CYP3A5: variants seen among roughly 807,000 people sequenced by gnomAD.
CYP3A5 encodes cytochrome P450 3A5.
Under a neutral mutation model 55.9 loss-of-function variants are expected in CYP3A5, and 51 were observed. That is an observed-to-expected ratio of 0.91 (90% CI 0.73 to 1.15). The LOEUF (loss-of-function observed/expected upper bound fraction) is 1.15. Among genes scored for constraint, CYP3A5 ranks in the 50% most tolerant of loss-of-function variants. The pLI, the probability that CYP3A5 is intolerant of heterozygous loss-of-function variation, is 0.00. For synonymous variants in CYP3A5, 196 were observed against 213.9 expected (o/e 0.92, Z 0.73); for missense variants, 533 against 596.6 (o/e 0.89, Z 1.11).
In CYP3A5 at chr7:99,662,340, G is replaced by T. The variant is rs1457734677; in HGVS notation, c.865+476C>A. ...CTGAAGATTGAAGTAGATTTACATGGTATCAGAGGTGTCCCCCATTAGTTA... is the reference window on the plus strand; with the variant it reads ...CTGAAGATTGAAGTAGATTTACATGTTATCAGAGGTGTCCCCCATTAGTTA... On this transcript the variant is annotated intron_variant, in intron 9 of 12. Coordinates refer to ENST00000222982, the MANE Select transcript of CYP3A5 (RefSeq NM_000777.5). The surrounding 1 kb of genome is among the most constrained non-coding windows in gnomAD (Gnocchi z 4.3). Among the ~76,000 whole-genome samples the T allele has an allele frequency of 1.3e-5, 2 of 152,224 alleles. No individual in the cohort carries two copies. Among genetic ancestry groups the T allele is most frequent in the Non-Finnish European group, 2.9e-5 (2 of 68,026 alleles).
intron 4 of CYP3A5, among the ~76,000 whole-genome samples, chr7:99,668,928 A>C (rs1375273948): frequency 6.6e-6 from 1 of 152,226 alleles, no homozygotes; most frequent in Non-Finnish European, 1.5e-5. Flanking sequence ...TATCAATAAT[A>C]TTTCAACCTA....
intron 6 of CYP3A5, among the ~76,000 whole-genome samples, chr7:99,665,800 A>G (rs530682420): frequency 1.3e-5 from 2 of 152,282 alleles, no homozygotes; most frequent in Admixed American, 1.3e-4. Context: ...TAGAAATATC[A>G]TCCTTTATTC....
intron 2 of CYP3A5, 61 bp downstream of exon 2, chr7:99,676,054 G>GGAATGGTCAAGAGAGGGAGGTAAT: frequency 6.8e-7 from 1 of 1,461,260 alleles, no homozygotes; most frequent in Non-Finnish European, 9.6e-7. Flanking sequence ...CATTTTTACT[G>GGAATGGTCAAGAGAGGGAGGTAAT]ATGGAACTAA....
rs949646193 is a variant in CYP3A5 at position 99,666,890 on chromosome 7, T to C, written c.432+62A>G. ...CCTTGGAAACGGACTGTGATCTTAC[T>C]TTCTACCTGTCCCCAGATTCATTCT... On this transcript the variant is annotated intron_variant, in intron 5 of 12. Coordinates refer to ENST00000222982, the MANE Select transcript of CYP3A5 (RefSeq NM_000777.5). The C allele has an allele frequency of 2.5e-6, 4 of 1,603,382 alleles. No homozygotes were observed. The African/African-American group carries it at 5.4e-5, about 21-fold the overall frequency.
At chr7:99,672,736 C>T in intron 3 of CYP3A5, 57 bp from the exon 4 acceptor site, 1 of 1,609,400 alleles carries the variant, frequency 6.2e-7, no homozygotes. Flanking sequence ...GCAGCTGGAG[C>T]CACACCCAGG....
chr7:99,663,348 A>G (rs1188539811), intron 8 of CYP3A5: 3 of 993,752 alleles, frequency 3.0e-6, no homozygotes, highest in Non-Finnish European at 3.6e-6. Context: ...CTCAAACTCT[A>G]TATAATCTTC....
At chr7:99,668,423 G>A (rs1811248589) in intron 4 of CYP3A5, among the ~76,000 whole-genome samples, 1 of 152,180 alleles carries the variant, frequency 6.6e-6, no homozygotes, top group Non-Finnish European at 1.5e-5. Flanking sequence ...GTCCAGGATG[G>A]CTTTGAATGT....
intron 10 of CYP3A5, among the ~76,000 whole-genome samples, chr7:99,658,521 C>T (rs1243188836): frequency 6.6e-6 from 1 of 152,038 alleles, no homozygotes; most frequent in Non-Finnish European, 1.5e-5. Flanking sequence ...AACATTTTTT[C>T]CTTCATTTCA....
rs569649692 is a variant in CYP3A5 at position 99,663,612 on chromosome 7, A to G, written c.798+356T>C. 7.0e-6 allele frequency: 7 copies of G among 1,000,282 alleles called. No individual in the cohort carries two copies. In the South Asian group the frequency reaches 1.3e-4, roughly 19 times the overall value. 62.0% of individuals were successfully genotyped at this position (1,000,282 alleles called of 1,614,324 possible). On this transcript the variant is annotated intron_variant, in intron 8 of 12. Transcript: ENST00000222982. The stretch of plus-strand genomic sequence containing the variant: ...AGTCTTGGACTTAAAATGATTCTTT[A>G]CCAATCTGTGATATGAGGAAAGCAC...
intron 4 of CYP3A5, among the ~76,000 whole-genome samples, chr7:99,672,137 C>T (rs185234652): frequency 2.3e-4 from 35 of 152,102 alleles, no homozygotes; most frequent in Middle Eastern, 3.4e-3. Flanking sequence ...CTGCAACCTC[C>T]GCCTCCCAGG....
chr7:99,659,937 G>A (rs533018215), intron 10 of CYP3A5: 2 of 153,122 alleles, frequency 1.3e-5, no homozygotes, highest in African/African-American at 4.8e-5. Flanking sequence ...CGCAGTATTA[G>A]GGTGGGAGTG....
At position 99,665,218 on chromosome 7, in the gene CYP3A5, G is replaced by C; in HGVS notation, c.618C>G (p.Ser206Arg). The change falls in exon 7 of 13, where the codon AGC (serine) becomes AGG (arginine). Residue 206 changes from serine to arginine, a missense_variant. Transcript: ENST00000222982. Reference protein sequence around the residue: ...LNNPQDPFVESTKKFLKFGFL... With the variant: ...LNNPQDPFVERTKKFLKFGFL... ...AACCAAATTTTAGGAACTTCTTAGT[G>C]CTCTCCACAAAGGGGTCTTGTGGAT... is the stretch of plus-strand genomic sequence containing the variant. 2 of 1,614,066 alleles carry C rather than the reference G, an allele frequency of 1.2e-6. No individual in the cohort carries two copies. The highest frequency in any genetic ancestry group is 1.7e-6 in the Non-Finnish European group (2 of 1,179,906).
At chr7:99,666,906 G>T in intron 5 of CYP3A5, 46 bp downstream of exon 5, 1 of 1,607,090 alleles carries the variant, frequency 6.2e-7, no homozygotes, top group East Asian at 2.2e-5. Context: ...CCTGTCCCCA[G>T]ATTCATTCTT....
rs760580189 is a variant in CYP3A5 at position 99,666,637 on chromosome 7, C to T, written c.485G>A (p.Arg162Gln). 17 of 1,613,846 alleles carry T rather than the reference C, an allele frequency of 1.1e-5. No homozygotes were observed. The East Asian group carries it at 1.3e-4, about 13-fold the overall frequency. Reference sequence around the variant, plus strand: ...GACAGGCTTGCCTTTCTCTGCTTCCCGCCTCAAGTTTCTCACCAATACATC... The same window carrying T: ...GACAGGCTTGCCTTTCTCTGCTTCCTGCCTCAAGTTTCTCACCAATACATC... ...YGDVLVRNLR[R>Q]EAEKGKPVTL... The change falls in exon 6 of 13, where the codon CGG (arginine) becomes CAG (glutamine). Residue 162 changes from arginine (R) to glutamine (Q), a missense_variant. Physicochemically the swap from Arg to Gln is conservative, Grantham distance 43 (BLOSUM62 1). Coordinates refer to ENST00000222982, the MANE Select transcript of CYP3A5 (RefSeq NM_000777.5).
At chr7:99,658,017 T>C (rs905299792) in intron 10 of CYP3A5, among the ~76,000 whole-genome samples, 2 of 152,224 alleles carry the variant, frequency 1.3e-5, no homozygotes, top group Non-Finnish European at 2.9e-5. Context: ...AGCACACCGA[T>C]GGGTCTTGAC....
In CYP3A5 at chr7:99,662,910, G is replaced by T. The variant is rs1005318700; in HGVS notation, c.799-28C>A. ...AGAAGCAAAAGGAGAGATTTCTTTG[G>T]CAGAAAGTGACTCGTGAAGTCAGAA... On this transcript the variant is annotated intron_variant, in intron 8 of 12. Coordinates refer to ENST00000222982, the MANE Select transcript of CYP3A5 (RefSeq NM_000777.5). The surrounding 1 kb of genome is among the most constrained non-coding windows in gnomAD (Gnocchi z 4.3). The T allele has an allele frequency of 6.2e-7, 1 of 1,612,674 alleles. No homozygotes were observed. Among genetic ancestry groups the T allele is most frequent in the African/African-American group, 1.3e-5 (1 of 74,888 alleles).
At chr7:99,648,651 C>G (rs957057556) in intron 12 of CYP3A5, among the ~76,000 whole-genome samples, 1 of 149,956 alleles carries the variant, frequency 6.7e-6, no homozygotes, top group Non-Finnish European at 1.5e-5. Context: ...GAGACAAATT[C>G]TTGTGGACTC....
At chr7:99,664,189 G>A (rs1810743888) in intron 7 of CYP3A5, 94 bp from the exon 8 acceptor site, 1 of 1,060,074 alleles carries the variant, frequency 9.4e-7, no homozygotes. Context: ...ATAAGAATAA[G>A]AACATCATGA....
At chr7:99,661,713 A>G (rs1278349744) in intron 9 of CYP3A5, among the ~76,000 whole-genome samples, 2 of 152,232 alleles carry the variant, frequency 1.3e-5, no homozygotes, top group Non-Finnish European at 1.5e-5. Context: ...GTTCTGATTT[A>G]TCAGTGAATA....
Sources: allele counts gnomAD v4.1 joint callset (sites outside exome capture counted in the v4.1 genomes callset), GRCh38; gene constraint gnomAD v4.1.1; non-coding constraint Gnocchi (gnomAD v3.1); transcripts MANE v1.5; gene names NCBI Gene and HGNC (gene_info 2026-07-23, HGNC 2026-07-21).